The following TP63 variants were observed in gnomAD, a reference collection of about 807,000 sequenced individuals.
The protein encoded by TP63 is tumor protein p63.
TP63 carries 17 observed loss-of-function variants against 82.8 expected under a neutral mutation model. The observed-to-expected ratio is 0.21, with a 90% CI of 0.14 to 0.31. The LOEUF (loss-of-function observed/expected upper bound fraction) is 0.31, where lower values mean the gene tolerates loss of function less well. Ranked by LOEUF, TP63 falls within the 10% of genes least tolerant of loss-of-function variation. TP63 has a pLI of 1.00. For missense variants in TP63, 648 were observed against 895.3 expected, an observed-to-expected ratio of 0.72 and a Z score of 3.52; for synonymous variants, 330 against 321.7, an observed-to-expected ratio of 1.03 and a Z score of -0.28.
At chr3:189,682,548 AAAAAAATATATATATATATATATATATAT>A (rs1197807852) in intron 1 of TP63, among the ~76,000 whole-genome samples, 32 of 48,940 alleles carry the variant, frequency 6.5e-4, no homozygotes, top group African/African-American at 2.2e-3. Flanking sequence ...AAAAAAAAAA[AAAAAAATATATATATATATATATATATAT>A]ATATATATAT....
intron 3 of TP63, among the ~76,000 whole-genome samples, chr3:189,775,296 G>A (rs1723710239): frequency 6.6e-6 from 1 of 150,698 alleles, no homozygotes; most frequent in Admixed American, 6.6e-5. Context: ...GAAGTCATTT[G>A]CTGTTACTGA....
intron 1 of TP63, among the ~76,000 whole-genome samples, chr3:189,647,983 T>C (rs1712566379): frequency 9.2e-6 from 1 of 108,296 alleles, no homozygotes; most frequent in Admixed American, 1.1e-4. Flanking sequence ...AGATTTCACA[T>C]AGAAAGATTA....
At chr3:189,630,675 CTATAT>C (rs757419290), upstream of TP63, among the ~76,000 whole-genome samples, 76 of 152,034 alleles carry the variant, frequency 5.0e-4, 2 homozygotes, top group Non-Finnish European at 4.0e-4. Flanking sequence ...AAGAAAATTA[CTATAT>C]TATATGTAAG....
intron 1 of TP63, among the ~76,000 whole-genome samples, chr3:189,639,160 C>T (rs142742085): frequency 6.6e-5 from 10 of 152,196 alleles, no homozygotes; most frequent in Non-Finnish European, 1.2e-4. Context: ...TGAAAAAGTC[C>T]TCAAGCAACA....
At chr3:189,776,188 G>T (rs1041986376) in intron 3 of TP63, among the ~76,000 whole-genome samples, 43 of 152,142 alleles carry the variant, frequency 2.8e-4, no homozygotes, top group Non-Finnish European at 5.9e-5. Context: ...AAAACGTGTG[G>T]TTATATGATT....
At chr3:189,639,304 T>C (rs1711596653) in intron 1 of TP63, among the ~76,000 whole-genome samples, 1 of 152,202 alleles carries the variant, frequency 6.6e-6, no homozygotes, top group Non-Finnish European at 1.5e-5. Flanking sequence ...GGGTGATGTG[T>C]ACTTATTGGT....
chr3:189,830,878 C>A (rs1712228165), intron 4 of TP63, among the ~76,000 whole-genome samples: 1 of 152,168 alleles, frequency 6.6e-6, no homozygotes, highest in Non-Finnish European at 1.5e-5. Context: ...GGAGAATAAA[C>A]CTCACCTATA....
chr3:189,866,477 A>C (rs1577141535), intron 5 of TP63, among the ~76,000 whole-genome samples: 1 of 152,178 alleles, frequency 6.6e-6, no homozygotes, highest in Non-Finnish European at 1.5e-5. Flanking sequence ...TGTGCATTCC[A>C]GCCCTTTCTG....
chr3:189,880,292 C>T, intron 10 of TP63: 1 of 1,358,502 alleles, frequency 7.4e-7, no homozygotes, highest in Non-Finnish European at 9.5e-7. Context: ...GACTTGAAGA[C>T]ACTTTGGCTC....
At chr3:189,608,722 C>G in the TP63 span, among the ~76,000 whole-genome samples, 1 of 152,060 alleles carries the variant, frequency 6.6e-6, no homozygotes, top group African/African-American at 2.4e-5. Context: ...AGCTAGAGCT[C>G]TATTCAGCAA....
At chr3:189,805,047 C>T (rs886074529) in intron 3 of TP63, among the ~76,000 whole-genome samples, 4 of 152,128 alleles carry the variant, frequency 2.6e-5, no homozygotes, top group South Asian at 2.1e-4. Flanking sequence ...AAAACTATGA[C>T]GCCTAAAAGT....
At chr3:189,861,332 C>T (rs1034197690) in intron 4 of TP63, among the ~76,000 whole-genome samples, 1 of 151,334 alleles carries the variant, frequency 6.6e-6, no homozygotes, top group African/African-American at 2.4e-5. Flanking sequence ...GACATGATTT[C>T]AGGGAATAGC....
intron 4 of TP63, among the ~76,000 whole-genome samples, chr3:189,839,905 G>A (rs1275412767): frequency 1.3e-5 from 2 of 152,190 alleles, no homozygotes; most frequent in African/African-American, 4.8e-5. Context: ...GTGCTGCAGT[G>A]AGGGGATCTG....
At chr3:189,860,768 A>G (rs1239902470) in intron 4 of TP63, among the ~76,000 whole-genome samples, 1 of 152,204 alleles carries the variant, frequency 6.6e-6, no homozygotes, top group East Asian at 1.9e-4. Context: ...CATGACGTGG[A>G]GAGCAGAGGA....
the TP63 span, among the ~76,000 whole-genome samples, chr3:189,620,517 C>CA: frequency 1.5e-3 from 136 of 92,660 alleles, 1 homozygote; most frequent in African/African-American, 5.4e-3. Context: ...AAAAAAAAAA[C>CA]AAAAAAAAAA....
At chr3:189,670,176 A>G (rs1275119226) in intron 1 of TP63, among the ~76,000 whole-genome samples, 1 of 152,088 alleles carries the variant, frequency 6.6e-6, no homozygotes, top group Non-Finnish European at 1.5e-5. Context: ...TTTAAAAAGA[A>G]GAATTGAAGA....
At chr3:189,848,742 T>C (rs1409344200) in intron 4 of TP63, among the ~76,000 whole-genome samples, 6 of 152,242 alleles carry the variant, frequency 3.9e-5, no homozygotes, top group African/African-American at 1.4e-4. Flanking sequence ...CCAAATTTAG[T>C]TGTGCAACCT....
intron 4 of TP63, among the ~76,000 whole-genome samples, chr3:189,828,788 C>A (rs1018180109): frequency 3.9e-5 from 6 of 152,172 alleles, no homozygotes; most frequent in South Asian, 2.1e-4. Context: ...ATCTTGATAT[C>A]TTTTTCCTAT....
intron 4 of TP63, among the ~76,000 whole-genome samples, chr3:189,850,520 G>A (rs909167483): frequency 2.6e-5 from 4 of 152,044 alleles, no homozygotes; most frequent in Non-Finnish European, 4.4e-5. Flanking sequence ...GGATAAATCT[G>A]GGAAGCATGG....
Sources: allele counts gnomAD v4.1 joint callset (sites outside exome capture counted in the v4.1 genomes callset), GRCh38; gene constraint gnomAD v4.1.1; transcripts MANE v1.5; gene names NCBI Gene and HGNC (gene_info 2026-07-23, HGNC 2026-07-21).